The following USP42 variants were observed in gnomAD, a reference collection of about 807,000 sequenced individuals.
USP42 encodes ubiquitin specific peptidase 42, also known as ubiquitin carboxyl-terminal hydrolase 42.
USP42 carries 23 observed loss-of-function variants against 113.0 expected under a neutral mutation model. The observed-to-expected ratio is 0.20, with a 90% CI of 0.15 to 0.29. USP42 has a LOEUF of 0.29. USP42 is among the 10% of genes least tolerant of loss of function. The pLI, the probability that USP42 is intolerant of heterozygous loss-of-function variation, is 1.00. For missense variants in USP42, 2,174 were observed against 1,779.8 expected, an observed-to-expected ratio of 1.22 and a Z score of -3.99; for synonymous variants, 933 against 699.0, an observed-to-expected ratio of 1.33 and a Z score of -5.28.
chr7:6,082,015 G>T, the USP42 span, among the ~76,000 whole-genome samples: 4 of 151,892 alleles, frequency 2.6e-5, no homozygotes, highest in Admixed American at 2.6e-4. Context: ...TATTTTCTGC[G>T]GGGACTTGTC....
In USP42 at chr7:6,157,931, TGGTGTCC is replaced by T. The variant is rs1452917947; in HGVS notation, c.3943+881_3943+887del. 6.6e-6 allele frequency among the ~76,000 whole-genome samples: 1 copy of T among 152,126 alleles called. No individual in the cohort carries two copies. On this transcript the variant is annotated intron_variant, in intron 16 of 17. Transcript: ENST00000306177. This position sits in a 1 kb window ranked among gnomAD's most constrained non-coding sequence, Gnocchi z 4.1. ...GGCAGCCCCCCACTTCCTCTCCCGT[TGGTGTCC>T]GGTGACCGCTCACCCTCGAGAGGAG... is the stretch of plus-strand genomic sequence containing the variant.
Position 6,154,497 on chromosome 7 carries a change from C to G in USP42, c.2943C>G (p.Arg981=), listed in dbSNP as rs1490568382. The change falls in exon 15 of 18, where the codon CGC becomes CGG. Residue 981 remains arginine (R), a synonymous_variant. Coordinates refer to ENST00000306177, the MANE Select transcript of USP42 (RefSeq NM_032172.3). The stretch of plus-strand genomic sequence containing the variant: ...CTGAGGGCCACCGTCACCGGCGGCG[C>G]CGCACCTGCCCCCGGGAGCGCGACC... ...SKTEGHRHRR[R]RTCPRERDRQ... 6.5e-7 allele frequency: 1 copy of G among 1,544,146 alleles called. No homozygotes were observed.
the USP42 span, chr7:6,081,563 G>C: frequency 6.6e-6 from 1 of 152,312 alleles, no homozygotes; most frequent in African/African-American, 2.4e-5. Flanking sequence ...CAGTTTGGGG[G>C]CGGAGCCCGC....
chr7:6,117,481 G>A lies in USP42; in HGVS notation c.442+1958G>A, dbSNP rs138253773. On this transcript the variant is annotated intron_variant, in intron 3 of 17. Transcript: ENST00000306177. Reference sequence around the variant, plus strand: ...TCTGGGTCATTTTTCACTTTGTGCCGTTACAAATTAAGCTGCTATGAACAT... The same window carrying A: ...TCTGGGTCATTTTTCACTTTGTGCCATTACAAATTAAGCTGCTATGAACAT... Among the ~76,000 whole-genome samples the A allele has an allele frequency of 4.6e-5, 7 of 152,238 alleles. No homozygotes were observed. In the East Asian group the frequency reaches 5.8e-4, roughly 13 times the overall value.
chr7:6,152,357 C>T (rs988592635), intron 14 of USP42, among the ~76,000 whole-genome samples: 1 of 152,230 alleles, frequency 6.6e-6, no homozygotes, highest in African/African-American at 2.4e-5. Flanking sequence ...ATACTGGGTG[C>T]CTTCCTGGAA....
At chr7:6,092,054 T>TTTCTTCTTCTTCTTCTTCTTTC in the USP42 span, among the ~76,000 whole-genome samples, 3 of 37,908 alleles carry the variant, frequency 7.9e-5, no homozygotes, top group African/African-American at 2.2e-4. Context: ...CTTCTTCTTC[T>TTTCTTCTTCTTCTTCTTCTTTC]TTCTTCTTCT....
In USP42 at chr7:6,158,678, T is replaced by G. The variant is rs1358507356; in HGVS notation, c.3944-772T>G. Among the ~76,000 whole-genome samples, 3 of 152,208 alleles carry G rather than the reference T, an allele frequency of 2.0e-5. No individual in the cohort carries two copies. The highest frequency in any genetic ancestry group is 4.4e-5 in the Non-Finnish European group (3 of 68,040). On this transcript the variant is annotated intron_variant, in intron 16 of 17. Transcript: ENST00000306177. The surrounding 1 kb of genome is among the most constrained non-coding windows in gnomAD (Gnocchi z 4.2). ...GAGGACGGGTTGCCTGCGGGCCTTG[T>G]AGACGTTCTGGACATTTCAGAATTG... is the stretch of plus-strand genomic sequence containing the variant.
Position 6,157,323 on chromosome 7 carries a change from C to T in USP42, c.3943+268C>T, listed in dbSNP as rs1174459979. On this transcript the variant is annotated intron_variant, in intron 16 of 17. Coordinates refer to ENST00000306177, the MANE Select transcript of USP42 (RefSeq NM_032172.3). The surrounding 1 kb of genome is among the most constrained non-coding windows in gnomAD (Gnocchi z 4.1). Reference sequence around the variant, plus strand: ...TGTGTCACCAAAGCCCTGGAACGTACAGCTCTAGGCATCTGACTTTGCCTT... The same window carrying T: ...TGTGTCACCAAAGCCCTGGAACGTATAGCTCTAGGCATCTGACTTTGCCTT... 3.6e-6 allele frequency: 4 copies of T among 1,118,934 alleles called. No homozygotes were observed. Among genetic ancestry groups the T allele is most frequent in the Non-Finnish European group, 4.4e-6 (4 of 916,634 alleles). The allele number at this position is 1,118,934 out of a possible 1,614,324, so 69.3% of individuals were successfully genotyped here. A position where few individuals can be genotyped will look rare whatever the true frequency, so the allele number is the denominator to read the frequency against.
chr7:6,132,932 A>G (rs371557529), intron 3 of USP42, among the ~76,000 whole-genome samples: 30 of 151,534 alleles, frequency 2.0e-4, no homozygotes, highest in African/African-American at 6.8e-4. Context: ...TGGTCTCCCA[A>G]AGTGCTGGGA....
rs1331608002 is a variant in USP42, at chr7:6,156,919, G to A, written c.3807G>A (p.Gln1269=). The A allele has an allele frequency of 1.2e-6, 2 of 1,613,962 alleles. No individual in the cohort carries two copies. Among genetic ancestry groups the A allele is most frequent in the Non-Finnish European group, 1.7e-6 (2 of 1,179,860 alleles). ...TCACCAGCTTGGAGACTGTCGCCCAGTTCCGGAGAGCCCAGGGTGGCTTTC... is the reference window on the plus strand; with the variant it reads ...TCACCAGCTTGGAGACTGTCGCCCAATTCCGGAGAGCCCAGGGTGGCTTTC... ...PRVTSLETVA[Q]FRRAQGGFPL... is the part of the protein sequence containing the mutation. The change falls in exon 16 of 18, where the codon CAG becomes CAA. Residue 1269 remains glutamine (Q), a synonymous_variant. Coordinates refer to ENST00000306177, the MANE Select transcript of USP42 (RefSeq NM_032172.3).
chr7:6,082,852 C>T, the USP42 span, among the ~76,000 whole-genome samples: 4 of 149,800 alleles, frequency 2.7e-5, no homozygotes, highest in East Asian at 5.8e-4. Context: ...CTCAGGCAGT[C>T]TACCTGCCTT....
Position 6,155,011 on chromosome 7 carries a change from G to C in USP42, c.3457G>C (p.Glu1153Gln), listed in dbSNP as rs1284525727. ...DNCNLSDRFH[E>Q]HENGKSRKRR... ...CTGTAACCTCTCTGATCGGTTTCAC[G>C]AACACGAAAATGGAAAGTCCCGGAA... The change falls in exon 15 of 18, where the codon GAA becomes CAA. Residue 1153 changes from glutamate to glutamine, a missense_variant. Physicochemically the swap from Glu to Gln is conservative, Grantham distance 29. Coordinates refer to ENST00000306177, the MANE Select transcript of USP42 (RefSeq NM_032172.3). 2.6e-6 allele frequency: 4 copies of C among 1,564,994 alleles called. No individual in the cohort carries two copies. The African/African-American group carries it at 4.1e-5, about 16-fold the overall frequency.
At chr7:6,093,925 C>G in the USP42 span, among the ~76,000 whole-genome samples, 2 of 151,178 alleles carry the variant, frequency 1.3e-5, no homozygotes, top group African/African-American at 2.5e-5. Flanking sequence ...GAGTCTCACT[C>G]TGTCACCCAG....
At position 6,154,058 on chromosome 7, in the gene USP42, C is replaced by T; in HGVS notation, c.2504C>T (p.Ala835Val). 1.2e-6 allele frequency: 2 copies of T among 1,606,094 alleles called. No homozygotes were observed. The highest frequency in any genetic ancestry group is 2.2e-5 in the South Asian group (2 of 91,042). The change falls in exon 15 of 18, where the codon GCA (alanine) becomes GTA (valine). Residue 835 changes from alanine to valine, a missense_variant. Coordinates refer to ENST00000306177, the MANE Select transcript of USP42 (RefSeq NM_032172.3). ...GATGCGAGCCCGTTGTCCCAGGACG[C>T]AAAGGGGATGATCGCGGAGGGCCCG... Reference protein sequence around the residue: ...TGDASPLSQDAKGMIAEGPRD... With the variant: ...TGDASPLSQDVKGMIAEGPRD...
chr7:6,119,919 C>G (rs1190603127), intron 3 of USP42, among the ~76,000 whole-genome samples: 1 of 152,108 alleles, frequency 6.6e-6, no homozygotes, highest in South Asian at 2.1e-4. Context: ...CCAGGCTGGT[C>G]TTGAACTCCT....
Position 6,156,934 on chromosome 7 carries a change from G to A in USP42, c.3822G>A (p.Gln1274=). 1 of 1,613,956 alleles carries A rather than the reference G, an allele frequency of 6.2e-7. No individual in the cohort carries two copies. Among genetic ancestry groups the A allele is most frequent in the Non-Finnish European group, 8.5e-7 (1 of 1,179,856 alleles). Residue 1274 remains glutamine, a synonymous_variant, in exon 16 of 18, where the codon CAG becomes CAA. Coordinates refer to ENST00000306177, the MANE Select transcript of USP42 (RefSeq NM_032172.3). The part of the protein sequence containing the change: ...LETVAQFRRA[Q]GGFPLSGGPP... ...CTGTCGCCCAGTTCCGGAGAGCCCA[G>A]GGTGGCTTTCCTCTCTCTGGTGGCC... is the stretch of plus-strand genomic sequence containing the variant.
At chr7:6,104,453 G>A (rs373995572), upstream of USP42, among the ~76,000 whole-genome samples, 30 of 152,374 alleles carry the variant, frequency 2.0e-4, no homozygotes, top group African/African-American at 6.5e-4. Context: ...GGTAGTTGCA[G>A]AGGGCGAAGC....
intron 7 of USP42, 150 bp from the exon 8 acceptor site, chr7:6,142,782 G>A: frequency 1.5e-6 from 1 of 651,316 alleles, no homozygotes; most frequent in Non-Finnish European, 2.7e-6. Context: ...TGCTCGGGAG[G>A]CTGAGGTGAG....
chr7:6,143,205 A>T (rs974308899), intron 8 of USP42, among the ~76,000 whole-genome samples, 191 bp downstream of exon 8: 17 of 152,184 alleles, frequency 1.1e-4, no homozygotes, highest in African/African-American at 4.1e-4. Context: ...CAAGATGCGC[A>T]GCTCTGTGCC....
Sources: gnomAD v4.1 joint callset for allele counts (sites outside exome capture counted in the v4.1 genomes callset) on GRCh38, gnomAD v4.1.1 for gene constraint, Gnocchi (gnomAD v3.1) non-coding constraint, MANE v1.5 for transcripts, NCBI Gene and HGNC (gene_info 2026-07-23, HGNC 2026-07-21) for gene names.